ARB2A: variants seen among roughly 807,000 people sequenced by gnomAD.
The protein encoded by ARB2A is ARB2 cotranscriptional regulator A.
At chr5:93,811,243 C>G in the ARB2A span, among the ~76,000 whole-genome samples, 3 of 152,114 alleles carry the variant, frequency 2.0e-5, no homozygotes, top group Non-Finnish European at 4.4e-5. Context: ...CATCTACTTT[C>G]CAGATCCTCA....
chr5:93,954,678 CAGCACAGCACAGCACAGCACAGCA>C, the ARB2A span, among the ~76,000 whole-genome samples: 3 of 145,388 alleles, frequency 2.1e-5, no homozygotes, highest in African/African-American at 8.5e-5. Context: ...CCTCTAAGCA[CAGCACAGCACAGCACAGCACAGCA>C]AGCACAGCAC....
chr5:93,743,343 G>A, the ARB2A span: 1 of 160,436 alleles, frequency 6.2e-6, no homozygotes, highest in African/African-American at 2.4e-5. Context: ...ACTATACCTG[G>A]AACATGGAAG....
the ARB2A span, among the ~76,000 whole-genome samples, chr5:93,957,735 G>A: frequency 6.6e-6 from 1 of 151,942 alleles, no homozygotes; most frequent in African/African-American, 2.4e-5. Context: ...GCTGGGCTGA[G>A]CCTTCATTTC....
the ARB2A span, among the ~76,000 whole-genome samples, chr5:94,063,674 C>T: frequency 3.3e-5 from 5 of 152,130 alleles, no homozygotes; most frequent in Non-Finnish European, 5.9e-5. Context: ...TACCTGGTAT[C>T]CCTGTCCCCA....
At chr5:93,945,904 T>A in the ARB2A span, among the ~76,000 whole-genome samples, 4 of 152,134 alleles carry the variant, frequency 2.6e-5, no homozygotes, top group African/African-American at 9.7e-5. Context: ...GAAGCTTACA[T>A]AGAGTGGAAC....
At chr5:93,913,109 C>T in the ARB2A span, among the ~76,000 whole-genome samples, 1 of 151,660 alleles carries the variant, frequency 6.6e-6, no homozygotes, top group Non-Finnish European at 1.5e-5. Flanking sequence ...GGTGCTAAGT[C>T]CTTGCCCTAA....
the ARB2A span, among the ~76,000 whole-genome samples, chr5:93,730,493 T>A: frequency 6.6e-6 from 1 of 152,188 alleles, no homozygotes; most frequent in African/African-American, 2.4e-5. Context: ...ATTTAATGGT[T>A]GATTATTACA....
chr5:93,944,585 A>G, the ARB2A span, among the ~76,000 whole-genome samples: 2 of 151,280 alleles, frequency 1.3e-5, no homozygotes, highest in African/African-American at 4.9e-5. Flanking sequence ...CATGAAAAGA[A>G]AAGAGGAGAG....
At chr5:93,656,807 A>C in the ARB2A span, among the ~76,000 whole-genome samples, 1 of 151,542 alleles carries the variant, frequency 6.6e-6, no homozygotes, top group East Asian at 1.9e-4. Flanking sequence ...ATCATTTATA[A>C]GTTGTTTTTT....
the ARB2A span, among the ~76,000 whole-genome samples, chr5:93,727,504 C>G: frequency 6.6e-6 from 1 of 151,960 alleles, no homozygotes; most frequent in Non-Finnish European, 1.5e-5. Context: ...AATTACTTAA[C>G]TTCCATTTTC....
chr5:94,027,753 C>T, the ARB2A span, among the ~76,000 whole-genome samples: 2 of 152,076 alleles, frequency 1.3e-5, no homozygotes, highest in East Asian at 3.9e-4. Context: ...AACATGTTTC[C>T]CTGAATTCCG....
the ARB2A span, among the ~76,000 whole-genome samples, chr5:93,703,243 G>C: frequency 6.6e-6 from 1 of 152,048 alleles, no homozygotes; most frequent in African/African-American, 2.4e-5. Context: ...AAACCTTCAG[G>C]AACTGCCTCT....
chr5:93,734,565 G>T, the ARB2A span: 2 of 152,086 alleles, frequency 1.3e-5, no homozygotes, highest in Non-Finnish European at 2.9e-5. Flanking sequence ...TACTTGCCTT[G>T]TCTATAGGAA....
chr5:93,756,732 G>A, the ARB2A span, among the ~76,000 whole-genome samples: 1 of 151,328 alleles, frequency 6.6e-6, no homozygotes, highest in African/African-American at 2.4e-5. Context: ...CAGCCTTCAA[G>A]CCCTAGACCT....
chr5:93,961,276 T>C, the ARB2A span, among the ~76,000 whole-genome samples: 8 of 152,244 alleles, frequency 5.3e-5, no homozygotes, highest in Admixed American at 3.3e-4. Flanking sequence ...GATATTCCAG[T>C]AGGTGCTGAT....
At chr5:94,008,634 A>G in the ARB2A span, among the ~76,000 whole-genome samples, 1 of 152,146 alleles carries the variant, frequency 6.6e-6, no homozygotes, top group African/African-American at 2.4e-5. Flanking sequence ...ACTCATATAT[A>G]CTATCTTCAA....
At chr5:94,107,986 T>C in the ARB2A span, among the ~76,000 whole-genome samples, 22 of 152,184 alleles carry the variant, frequency 1.4e-4, no homozygotes, top group African/African-American at 5.3e-4. Context: ...CCCTCTCCTC[T>C]GCTGTCAGTT....
chr5:93,757,110 C>A, the ARB2A span, among the ~76,000 whole-genome samples: 1 of 152,024 alleles, frequency 6.6e-6, no homozygotes. Flanking sequence ...TAGAATTGAA[C>A]AAGTAGAAGA....
At chr5:93,690,436 G>A in the ARB2A span, among the ~76,000 whole-genome samples, 54 of 152,244 alleles carry the variant, frequency 3.5e-4, no homozygotes, top group East Asian at 8.5e-3. Flanking sequence ...CAAAGATGCC[G>A]GGAAGTTCAA....
Sources: gnomAD v4.1 joint callset for allele counts (sites outside exome capture counted in the v4.1 genomes callset) on GRCh38, gnomAD v4.1.1 for gene constraint, MANE v1.5 for transcripts, NCBI Gene and HGNC (gene_info 2026-07-23, HGNC 2026-07-21) for gene names.